Variants in DSCAM observed in about 807,000 individuals in gnomAD.
DSCAM encodes DS cell adhesion molecule, also known as cell adhesion molecule DSCAM.
A neutral mutation model predicts 217.7 loss-of-function variants in DSCAM; 47 were observed. The observed-to-expected ratio is 0.22, with a 90% CI of 0.17 to 0.28. The LOEUF (loss-of-function observed/expected upper bound fraction) is 0.28, where lower values mean the gene tolerates loss of function less well. Ranked by LOEUF, DSCAM falls within the 10% of genes least tolerant of loss-of-function variation. DSCAM has a pLI of 1.00. For synonymous variants in DSCAM, 1,056 were observed against 1,015.3 expected, an observed-to-expected ratio of 1.04 and a Z score of -0.76; for missense variants, 2,080 against 2,618.3, an observed-to-expected ratio of 0.79 and a Z score of 4.49.
intron 1 of DSCAM, among the ~76,000 whole-genome samples, chr21:40,732,162 G>A (rs935470435): frequency 2.6e-5 from 4 of 152,186 alleles, no homozygotes; most frequent in Admixed American, 6.5e-5. Context: ...AGGAACCAGG[G>A]ACCATAATAT....
chr21:40,519,195 A>G lies in DSCAM; in HGVS notation c.509-149950T>C, dbSNP rs115293599. On this transcript the variant is annotated intron_variant, in intron 3 of 32. Coordinates refer to ENST00000400454, the MANE Select transcript of DSCAM (RefSeq NM_001389.5). ...ACTCTTCCTAGGCATGTGTAAATAT[A>G]TGACGGTGAGTGTTATGTGTGAGCT... 6.6e-3 allele frequency among the ~76,000 whole-genome samples: 1,009 copies of G among 152,290 alleles called. 15 individuals are homozygous for G. The highest frequency in any genetic ancestry group is 0.023 in the African/African-American group (966 of 41,550).
At position 40,338,186 on chromosome 21, in the gene DSCAM, C is replaced by T. The variant is rs370012852; in HGVS notation, c.1698G>A (p.Lys566=). ...ACGTGTACTCCCCCTCGTCCACTTC[C>T]TTTTGCACATCTGAAAGTTTAAGAG... ...NGTLKLSDVQ[K]EVDEGEYTCN... The change falls in exon 8 of 33, where the codon AAG becomes AAA. Residue 566 remains lysine, a synonymous_variant. Coordinates refer to ENST00000400454, the MANE Select transcript of DSCAM (RefSeq NM_001389.5). 1.2e-4 allele frequency: 192 copies of T among 1,614,136 alleles called. 1 individual carries two copies. Among genetic ancestry groups the T allele is most frequent in the Admixed American group, 1.7e-4 (10 of 60,012 alleles).
intron 3 of DSCAM, among the ~76,000 whole-genome samples, chr21:40,687,635 C>G (rs1403524929): frequency 6.6e-6 from 1 of 152,192 alleles, no homozygotes; most frequent in African/African-American, 2.4e-5. Flanking sequence ...GCAGCCTTGT[C>G]TAATTTGGTT....
chr21:40,629,548 C>G (rs2089659022), intron 3 of DSCAM: 1 of 152,186 alleles, frequency 6.6e-6, no homozygotes, highest in South Asian at 2.1e-4. Flanking sequence ...ACTGTGTTCT[C>G]TTTTTCTCAG....
chr21:40,595,837 C>T (rs1037232162), intron 3 of DSCAM, among the ~76,000 whole-genome samples: 6 of 152,154 alleles, frequency 3.9e-5, no homozygotes, highest in South Asian at 2.1e-4. Flanking sequence ...CCAAACATCG[C>T]GAATGAGAAA....
chr21:40,750,537 C>T (rs1015142663), intron 1 of DSCAM, among the ~76,000 whole-genome samples: 4 of 152,208 alleles, frequency 2.6e-5, no homozygotes, highest in African/African-American at 4.8e-5. Flanking sequence ...TGATCTCACC[C>T]GTTCTGAAGG....
At chr21:40,273,115 TG>T (rs1289759251) in intron 11 of DSCAM, among the ~76,000 whole-genome samples, 1 of 152,204 alleles carries the variant, frequency 6.6e-6, no homozygotes, top group Non-Finnish European at 1.5e-5. Context: ...TCCTATGCAC[TG>T]TGCCATCAAT....
chr21:40,746,613 A>G (rs1241540511), intron 1 of DSCAM, among the ~76,000 whole-genome samples: 2 of 151,920 alleles, frequency 1.3e-5, no homozygotes, highest in Admixed American at 6.6e-5. Flanking sequence ...CTATAATACA[A>G]TAAGAGTAGG....
chr21:40,259,965 G>A (rs1170046274), intron 11 of DSCAM, among the ~76,000 whole-genome samples: 2 of 151,992 alleles, frequency 1.3e-5, no homozygotes, highest in Non-Finnish European at 1.5e-5. Context: ...CTGACCTTGT[G>A]ATCCGCCCGC....
chr21:40,656,390 T>C (rs1441802685), intron 3 of DSCAM, among the ~76,000 whole-genome samples: 2 of 151,474 alleles, frequency 1.3e-5, no homozygotes, highest in Non-Finnish European at 2.9e-5. Context: ...AGCCCTGTTG[T>C]GCATGAGTGA....
chr21:40,179,152 C>A (rs1350331403), intron 14 of DSCAM, 58 bp from the exon 15 acceptor site: 8 of 1,081,086 alleles, frequency 7.4e-6, no homozygotes, highest in Middle Eastern at 2.5e-4. Context: ...TTTTCCTCTG[C>A]CTTTGAAAGT....
intron 20 of DSCAM, among the ~76,000 whole-genome samples, chr21:40,113,363 C>T (rs1036210622): frequency 2.0e-5 from 3 of 152,012 alleles, no homozygotes; most frequent in Non-Finnish European, 4.4e-5. Flanking sequence ...AATTCAACAA[C>T]CCTTCATGCT....
intron 5 of DSCAM, among the ~76,000 whole-genome samples, chr21:40,348,472 C>A (rs1025774946): frequency 8.0e-5 from 12 of 149,160 alleles, no homozygotes; most frequent in Non-Finnish European, 1.0e-4. Flanking sequence ...CACATTATTG[C>A]AATCATACCC....
In DSCAM at chr21:40,078,864, C is replaced by G. The variant is rs767997820; in HGVS notation, c.4534G>C (p.Glu1512Gln). Reference sequence around the variant, plus strand: ...ACTGTGGTCCCAAAGGGCCTGTACTCTAGTGTGAAGGAGGTGATGGGGCAG... The same window carrying G: ...ACTGTGGTCCCAAAGGGCCTGTACTGTAGTGTGAAGGAGGTGATGGGGCAG... ...GGCPITSFTL[E>Q]YRPFGTTVWT... Residue 1512 changes from glutamate (E) to glutamine (Q), a missense_variant, in exon 26 of 33, where the codon GAG (glutamate) becomes CAG (glutamine). Physicochemically the swap from Glu to Gln is conservative, Grantham distance 29. Around this residue, in one of 5 missense-constraint regions of DSCAM, gnomAD observed 1,144 missense variants for 1,421.1 expected, o/e 0.81. Transcript: ENST00000400454. 1.8e-5 allele frequency: 29 copies of G among 1,614,094 alleles called. No individual in the cohort carries two copies. In the South Asian group the frequency reaches 3.0e-4, roughly 16 times the overall value.
rs574994438 is a variant in DSCAM, at chr21:40,149,391, C to G, written c.3019-4660G>C. On this transcript the variant is annotated intron_variant, in intron 16 of 32. Transcript: ENST00000400454. Reference sequence around the variant, plus strand: ...TTCTTCACTATCCCAACACCAACACCACTGTCACCACAACATCCATCACTC... The same window carrying G: ...TTCTTCACTATCCCAACACCAACACGACTGTCACCACAACATCCATCACTC... 1.1e-4 allele frequency among the ~76,000 whole-genome samples: 16 copies of G among 149,150 alleles called. No individual in the cohort carries two copies. In the Middle Eastern group the frequency reaches 0.01, roughly 97 times the overall value.
chr21:40,559,302 C>A (rs2076697324), intron 3 of DSCAM, among the ~76,000 whole-genome samples: 1 of 151,622 alleles, frequency 6.6e-6, no homozygotes, highest in South Asian at 2.1e-4. Context: ...ACTAAAAATA[C>A]AAAAAATTAG....
chr21:40,666,350 T>C (rs910953327), intron 3 of DSCAM, among the ~76,000 whole-genome samples: 1 of 152,170 alleles, frequency 6.6e-6, no homozygotes, highest in Non-Finnish European at 1.5e-5. Context: ...ATCATCCTCA[T>C]CATTTTCCAG....
chr21:40,243,839 C>A (rs2073186062), intron 11 of DSCAM, among the ~76,000 whole-genome samples: 1 of 152,122 alleles, frequency 6.6e-6, no homozygotes, highest in African/African-American at 2.4e-5. Context: ...CATTAATTTC[C>A]CCCAGTGTCA....
At chr21:40,759,417 T>C (rs1168902345) in intron 1 of DSCAM, among the ~76,000 whole-genome samples, 2 of 152,154 alleles carry the variant, frequency 1.3e-5, no homozygotes, top group Non-Finnish European at 2.9e-5. Context: ...TTACATCTTT[T>C]TAAGCCTGAA....
Sources: gnomAD v4.1 joint callset for allele counts (sites outside exome capture counted in the v4.1 genomes callset) on GRCh38, gnomAD v4.1.1 for gene constraint, gnomAD v4.1.1 regional missense constraint, MANE v1.5 for transcripts, NCBI Gene and HGNC (gene_info 2026-07-23, HGNC 2026-07-21) for gene names.